The following ACOX3 variants were observed in gnomAD, a reference collection of about 807,000 sequenced individuals.
The protein encoded by ACOX3 is peroxisomal acyl-coenzyme A oxidase 3.
ACOX3 carries 73 observed loss-of-function variants against 81.5 expected under a neutral mutation model. The ratio of observed to expected loss-of-function variants is 0.90; its 90% CI spans 0.74 to 1.09. The LOEUF is 1.09. Ranked by LOEUF, ACOX3 falls within the 50% of genes least tolerant of loss-of-function variation. The pLI is 0.00. For missense variants in ACOX3, 947 were observed against 928.0 expected, an observed-to-expected ratio of 1.02 and a Z score of -0.27; for synonymous variants, 387 against 375.1, an observed-to-expected ratio of 1.03 and a Z score of -0.37.
the ACOX3 span, chr4:8,356,371 T>G: frequency 5.7e-4 from 215 of 375,822 alleles, no homozygotes; most frequent in Non-Finnish European, 8.8e-4. Context: ...AGCAAGCCAC[T>G]GGGACCAACT....
At chr4:8,420,047 A>G (rs1415431672) in intron 1 of ACOX3, among the ~76,000 whole-genome samples, 1 of 152,236 alleles carries the variant, frequency 6.6e-6, no homozygotes, top group Non-Finnish European at 1.5e-5. Context: ...GCAGCTACAT[A>G]GACCTCAACT....
rs75671571 is a variant in ACOX3 at position 8,407,445 on chromosome 4, A to C, written c.688-1402T>G. Among the ~76,000 whole-genome samples, 10,774 of 152,212 alleles carry C rather than the reference A, an allele frequency of 0.071. 768 individuals carry two copies. The highest frequency in any genetic ancestry group is 0.18 in the African/African-American group (7,540 of 41,492). ...CCACCAGGAGCTGAAAGAGATAGGA[A>C]GGATCCTCCCCTAGAGCCTTTAAAG... On this transcript the variant is annotated intron_variant, in intron 6 of 17. Transcript: ENST00000356406. The surrounding 1 kb of genome is among the most constrained non-coding windows in gnomAD (Gnocchi z 4.6).
chr4:8,439,013 A>G (rs1242754231), intron 1 of ACOX3: 3 of 152,258 alleles, frequency 2.0e-5, no homozygotes, highest in Non-Finnish European at 4.4e-5. Context: ...TAGTCTACGC[A>G]TGGCCGAAGC....
chr4:8,427,154 G>A (rs972494846), intron 1 of ACOX3, among the ~76,000 whole-genome samples: 6 of 152,180 alleles, frequency 3.9e-5, no homozygotes, highest in African/African-American at 1.4e-4. Flanking sequence ...GTAGTAAAGA[G>A]AGCTCACTAA....
In ACOX3 at chr4:8,381,162, G is replaced by A. The variant is rs554498417; in HGVS notation, c.1653+330C>T. Among the ~76,000 whole-genome samples the A allele has an allele frequency of 6.6e-6, 1 of 152,310 alleles. No individual in the cohort carries two copies. Among genetic ancestry groups the A allele is most frequent in the Non-Finnish European group, 1.5e-5 (1 of 68,040 alleles). ...TCACTCCCACGAGTCAGGAGGGAGT[G>A]CTCTGAGTGCCCGCAATGGTGTCTC... On this transcript the variant is annotated intron_variant, in intron 14 of 17. Transcript: ENST00000356406. This position sits in a 1 kb window ranked among gnomAD's most constrained non-coding sequence, Gnocchi z 4.3.
rs1194466637 is a variant in ACOX3, at chr4:8,406,358, A to C, written c.688-315T>G. ...CAGAAGAGGAGTGGGTGTGGGGAAGAGGGGGCCATGTGGAGACGGAGGCAC... is the reference window on the plus strand; with the variant it reads ...CAGAAGAGGAGTGGGTGTGGGGAAGCGGGGGCCATGTGGAGACGGAGGCAC... On this transcript the variant is annotated intron_variant, in intron 6 of 17. Transcript: ENST00000356406. The surrounding 1 kb of genome is among the most constrained non-coding windows in gnomAD (Gnocchi z 5.6). Among the ~76,000 whole-genome samples the C allele has an allele frequency of 1.3e-5, 2 of 152,198 alleles. No homozygotes were observed. Among genetic ancestry groups the C allele is most frequent in the Non-Finnish European group, 2.9e-5 (2 of 68,032 alleles).
At chr4:8,377,444 A>C (rs1293811683) in intron 14 of ACOX3, among the ~76,000 whole-genome samples, 1 of 149,922 alleles carries the variant, frequency 6.7e-6, no homozygotes, top group Non-Finnish European at 1.5e-5. Flanking sequence ...GTGAGTTTTG[A>C]AACACAGCGT....
chr4:8,364,109 C>T (rs1715290399), downstream of ACOX3, among the ~76,000 whole-genome samples: 1 of 152,116 alleles, frequency 6.6e-6, no homozygotes. The surrounding 1 kb of genome is among the most constrained non-coding windows in gnomAD (Gnocchi z 5.0). Context: ...GATGGGGTCC[C>T]TTTTCCTGTA....
chr4:8,387,280 C>T (rs1227343272), intron 13 of ACOX3, among the ~76,000 whole-genome samples: 5 of 152,198 alleles, frequency 3.3e-5, no homozygotes, highest in Non-Finnish European at 7.3e-5. Flanking sequence ...ATGAGGAAAC[C>T]GAGGCAGGAA....
chr4:8,365,752 G>T (rs369109541), downstream of ACOX3, among the ~76,000 whole-genome samples: 485 of 94,468 alleles, frequency 5.1e-3, 5 homozygotes, highest in African/African-American at 6.4e-3. Flanking sequence ...GGGATGTGGT[G>T]GGGGGGTGGT....
chr4:8,395,054 G>A (rs1385335745), intron 9 of ACOX3, among the ~76,000 whole-genome samples: 1 of 152,150 alleles, frequency 6.6e-6, no homozygotes, highest in Non-Finnish European at 1.5e-5. Flanking sequence ...GAATTAAGAA[G>A]GCAGCACTGC....
intron 1 of ACOX3, among the ~76,000 whole-genome samples, chr4:8,425,647 C>T (rs1723400835): frequency 6.8e-6 from 1 of 146,728 alleles, no homozygotes; most frequent in South Asian, 2.2e-4. Context: ...AGAAGACTGG[C>T]AACTAGATTT....
chr4:8,440,172 C>CT (rs1359726704), intron 1 of ACOX3, among the ~76,000 whole-genome samples: 8 of 126 alleles, frequency 0.063, no homozygotes, highest in South Asian at 0.44. Context: ...TTCACGTGGA[C>CT]CCTTAAAGTC....
Position 8,389,373 on chromosome 4 carries a change from G to T in ACOX3, c.1424-87C>A. ...AGCTGGGGGCACCCCAAAGCACAGA[G>T]AGTGTCCAGAGGACCCGACGGCCAC... On this transcript the variant is annotated intron_variant, in intron 12 of 17. Transcript: ENST00000356406. The surrounding 1 kb of genome is among the most constrained non-coding windows in gnomAD (Gnocchi z 5.3). The T allele has an allele frequency of 7.1e-7, 1 of 1,399,214 alleles. No individual in the cohort carries two copies. 86.7% of individuals were successfully genotyped at this position (1,399,214 alleles called of 1,614,324 possible). A position where few individuals can be genotyped will look rare whatever the true frequency, so the allele number is the denominator to read the frequency against.
At chr4:8,438,516 G>A (rs1724383350) in intron 1 of ACOX3, among the ~76,000 whole-genome samples, 1 of 152,032 alleles carries the variant, frequency 6.6e-6, no homozygotes, top group Non-Finnish European at 1.5e-5. Flanking sequence ...TTGTTCGGTC[G>A]GCCACCCCCA....
chr4:8,389,176 C>T lies in ACOX3; in HGVS notation c.1534G>A (p.Ala512Thr), dbSNP rs146891905. 2.5e-6 allele frequency: 4 copies of T among 1,613,444 alleles called. No individual in the cohort carries two copies. The highest frequency in any genetic ancestry group is 1.6e-4 in the Middle Eastern group (1 of 6,062). Residue 512 changes from alanine to threonine, a missense_variant, in exon 13 of 18, where the codon GCA (alanine) becomes ACA (threonine). Transcript: ENST00000356406. This position sits in a 1 kb window ranked among gnomAD's most constrained non-coding sequence, Gnocchi z 5.3. Reference protein sequence around the residue: ...VSSVADCLDSAVALAAYKWLV... With the variant: ...VSSVADCLDSTVALAAYKWLV... ...AGCCCTCCACCTGTGTGTTTACCTG[C>T]AGAGTCCAAGCAGTCGGCAACACTG...
intron 1 of ACOX3, among the ~76,000 whole-genome samples, chr4:8,422,633 T>A (rs572401254): frequency 2.6e-5 from 4 of 152,322 alleles, no homozygotes; most frequent in Admixed American, 6.5e-5. Flanking sequence ...CCTGATCTAT[T>A]GTGTTGTTGT....
In ACOX3 at chr4:8,389,559, C is replaced by T. The variant is rs757998953; in HGVS notation, c.1423+53G>A. On this transcript the variant is annotated intron_variant, in intron 12 of 17. Coordinates refer to ENST00000356406, the MANE Select transcript of ACOX3 (RefSeq NM_003501.3). The surrounding 1 kb of genome is among the most constrained non-coding windows in gnomAD (Gnocchi z 5.3). The stretch of plus-strand genomic sequence containing the variant: ...GAATCAGTGAGGCCAGGAGAACCCA[C>T]CCCTGCCCCAGTTGGGTTCCAGCGC... 3.7e-6 allele frequency: 6 copies of T among 1,610,582 alleles called. No individual in the cohort carries two copies. The highest frequency in any genetic ancestry group is 5.1e-6 in the Non-Finnish European group (6 of 1,178,996).
Position 8,414,255 on chromosome 4 carries a change from C to T in ACOX3, c.543+37G>A, listed in dbSNP as rs2245515. ...ATTTGCACTCATGACGTCTCATATG[C>T]TCCAAACTCAGGGACCCGGGGGAAG... On this transcript the variant is annotated intron_variant, in intron 5 of 17. Transcript: ENST00000356406. This position sits in a 1 kb window ranked among gnomAD's most constrained non-coding sequence, Gnocchi z 6.1. 654,394 of 1,569,518 alleles carry T rather than the reference C, an allele frequency of 0.42. 137,387 individuals are homozygous for T. Among genetic ancestry groups the T allele is most frequent in the South Asian group, 0.46 (41,492 of 90,150 alleles).
Sources: gnomAD v4.1 joint callset for allele counts (sites outside exome capture counted in the v4.1 genomes callset) on GRCh38, gnomAD v4.1.1 for gene constraint, Gnocchi (gnomAD v3.1) non-coding constraint, MANE v1.5 for transcripts, NCBI Gene and HGNC (gene_info 2026-07-23, HGNC 2026-07-21) for gene names.